The following ZBTB4 variants were observed in gnomAD, a reference collection of about 807,000 sequenced individuals.
The protein encoded by ZBTB4 is zinc finger and BTB domain-containing protein 4.
A neutral mutation model predicts 59.8 loss-of-function variants in ZBTB4; 14 were observed. The ratio of observed to expected loss-of-function variants is 0.23; its 90% CI spans 0.15 to 0.37. ZBTB4 has a LOEUF of 0.37. Among genes scored for constraint, ZBTB4 ranks in the 10% least tolerant of loss-of-function variants. The pLI, the probability that ZBTB4 is intolerant of heterozygous loss-of-function variation, is 1.00. For missense variants in ZBTB4, 1,198 were observed against 1,380.8 expected (o/e 0.87, Z 2.10); for synonymous variants, 587 against 575.2 (o/e 1.02, Z -0.29).
chr17:7,466,385 G>A lies in ZBTB4; in HGVS notation c.417C>T (p.Val139=). Reference sequence around the variant, plus strand: ...GCCGGGCGCTGTAGATGAAGTTGAGGACATCAGAAAACGCAGCTGCTGGGA... The same window carrying A: ...GCCGGGCGCTGTAGATGAAGTTGAGAACATCAGAAAACGCAGCTGCTGGGA... ...PGVPAAAFSD[V]LNFIYSARLA... Residue 139 remains valine, a synonymous_variant, in exon 3 of 4, where the codon GTC becomes GTT. Coordinates refer to ENST00000380599, the MANE Select transcript of ZBTB4 (RefSeq NM_001128833.2). This position sits in a 1 kb window ranked among gnomAD's most constrained non-coding sequence, Gnocchi z 9.1. 1 of 1,614,098 alleles carries A rather than the reference G, an allele frequency of 6.2e-7. No individual in the cohort carries two copies. The highest frequency in any genetic ancestry group is 1.1e-5 in the South Asian group (1 of 91,058).
In ZBTB4 at chr17:7,463,880, T is replaced by C; in HGVS notation, c.1102A>G (p.Ile368Val). The C allele has an allele frequency of 6.2e-7, 1 of 1,613,232 alleles. No homozygotes were observed. Among genetic ancestry groups the C allele is most frequent in the South Asian group, 1.1e-5 (1 of 91,020 alleles). The change falls in exon 4 of 4, where the codon ATC becomes GTC. Residue 368 changes from isoleucine (I) to valine (V), a missense_variant. Ile to Val is a conservative substitution (Grantham distance 29). This residue lies in a region of ZBTB4 where 60 missense variants were observed against 93.0 expected (regional missense o/e 0.64). Transcript: ENST00000380599. Reference sequence around the variant, plus strand: ...GTGACAAAGGTCTCCCAACAGAAGATGCACTGGTACCTGGGTCAGGACAGC... The same window carrying C: ...GTGACAAAGGTCTCCCAACAGAAGACGCACTGGTACCTGGGTCAGGACAGC... The part of the protein sequence containing the change: ...WHTGERRYQC[I>V]FCWETFVTYY...
chr17:7,471,409 T>C (rs2070195608), intron 1 of ZBTB4, among the ~76,000 whole-genome samples: 1 of 152,186 alleles, frequency 6.6e-6, no homozygotes, highest in South Asian at 2.1e-4. Context: ...CTTGAAATAC[T>C]TATGATGTGC....
upstream of ZBTB4, among the ~76,000 whole-genome samples, chr17:7,480,913 G>C (rs1012519559): frequency 9.0e-5 from 10 of 110,780 alleles, no homozygotes; most frequent in Non-Finnish European, 1.9e-5. Flanking sequence ...CCACCACTTT[G>C]GGAGGCGGGG....
Position 7,466,403 on chromosome 17 carries a change from T to C in ZBTB4, c.399A>G (p.Ala133=). The C allele has an allele frequency of 1.9e-6, 3 of 1,612,920 alleles. No homozygotes were observed. The highest frequency in any genetic ancestry group is 2.5e-6 in the Non-Finnish European group (3 of 1,179,758). Residue 133 remains alanine (A), a synonymous_variant, in exon 3 of 4, where the codon GCA becomes GCG. Transcript: ENST00000380599. The surrounding 1 kb of genome is among the most constrained non-coding windows in gnomAD (Gnocchi z 9.1). The part of the protein sequence containing the change: ...PRVLELPGVP[A]AAFSDVLNFI... ...AGTTGAGGACATCAGAAAACGCAGC[T>C]GCTGGGACTCCTGGCAACTCCAGGA...
chr17:7,479,202 A>G (rs955093852), intron 1 of ZBTB4, among the ~76,000 whole-genome samples: 1 of 148,070 alleles, frequency 6.8e-6, no homozygotes, highest in Non-Finnish European at 1.5e-5. Context: ...CCACGGCCCC[A>G]GGCGATCGCG....
At position 7,467,076 on chromosome 17, in the gene ZBTB4, T is replaced by C. The variant is rs1423517284; in HGVS notation, c.-10+181A>G. ...GTGAAGGTCAAGGGGTCATGACCTCTGAAGTCACAGACTAGAGATGTAAGT... is the reference window on the plus strand; with the variant it reads ...GTGAAGGTCAAGGGGTCATGACCTCCGAAGTCACAGACTAGAGATGTAAGT... On this transcript the variant is annotated intron_variant, in intron 2 of 3. Coordinates refer to ENST00000380599, the MANE Select transcript of ZBTB4 (RefSeq NM_001128833.2). 2.1e-5 allele frequency: 18 copies of C among 852,454 alleles called. No homozygotes were observed. The Admixed American group carries it at 8.1e-4, about 38-fold the overall frequency. 52.8% of individuals were successfully genotyped at this position (852,454 alleles called of 1,614,324 possible). A position where few individuals can be genotyped will look rare whatever the true frequency, so the allele number is the denominator to read the frequency against.
chr17:7,465,350 A>G (rs1272013062), intron 3 of ZBTB4, among the ~76,000 whole-genome samples: 5 of 149,612 alleles, frequency 3.3e-5, no homozygotes, highest in African/African-American at 9.8e-5. Context: ...AATCCCAGCT[A>G]TTCGGGAGGC....
At chr17:7,477,212 G>A (rs926124363) in intron 1 of ZBTB4, among the ~76,000 whole-genome samples, 1 of 152,198 alleles carries the variant, frequency 6.6e-6, no homozygotes, top group Admixed American at 6.5e-5. Context: ...GACAGGGGCT[G>A]GCATAGGCAC....
Position 7,462,392 on chromosome 17 carries a change from C to T in ZBTB4, c.2590G>A (p.Gly864Arg), listed in dbSNP as rs544952940. 2.0e-5 allele frequency: 32 copies of T among 1,613,940 alleles called. No homozygotes were observed. The highest frequency in any genetic ancestry group is 6.7e-5 in the East Asian group (3 of 44,874). Reference sequence around the variant, plus strand: ...ACAGGTGGGTATACATAGCTGCCCCCGCTTGCCACTACTGGGGGCTCCTCA... The same window carrying T: ...ACAGGTGGGTATACATAGCTGCCCCTGCTTGCCACTACTGGGGGCTCCTCA... ...GGEEPPVVASGGSYVYPPVQE... is the reference protein window; with the variant it reads ...GGEEPPVVASRGSYVYPPVQE... The change falls in exon 4 of 4, where the codon GGG becomes AGG. Residue 864 changes from glycine to arginine, a missense_variant. Physicochemically the swap from Gly to Arg is moderately radical, Grantham distance 125. Around this residue, in one of 9 missense-constraint regions of ZBTB4, gnomAD observed 211 missense variants for 236.1 expected, o/e 0.89. Transcript: ENST00000380599. This position sits in a 1 kb window ranked among gnomAD's most constrained non-coding sequence, Gnocchi z 7.5.
At chr17:7,477,149 C>G (rs930591123) in intron 1 of ZBTB4, among the ~76,000 whole-genome samples, 2 of 152,200 alleles carry the variant, frequency 1.3e-5, no homozygotes, top group African/African-American at 4.8e-5. Flanking sequence ...TGTGTGCTGC[C>G]ATTATTATCA....
In ZBTB4 at chr17:7,460,267, G is replaced by T. The variant is rs1291210386; in HGVS notation, c.*1673C>A. 2 of 152,594 alleles carry T rather than the reference G, an allele frequency of 1.3e-5. No homozygotes were observed. Among genetic ancestry groups the T allele is most frequent in the Non-Finnish European group, 2.9e-5 (2 of 68,046 alleles). The allele number at this position is 152,594 out of a possible 1,614,324, so 9.5% of individuals were successfully genotyped here. ...AGGAATGAAGGAGTGACTCCTCTGT[G>T]GTTAACATTCAGGGAGCCTGTCTAA... On this transcript the variant is annotated 3_prime_UTR_variant, in exon 4 of 4. Coordinates refer to ENST00000380599, the MANE Select transcript of ZBTB4 (RefSeq NM_001128833.2).
At chr17:7,479,853 T>C (rs2070321663), upstream of ZBTB4, among the ~76,000 whole-genome samples, 1 of 151,698 alleles carries the variant, frequency 6.6e-6, no homozygotes, top group Non-Finnish European at 1.5e-5. Context: ...CGGGCCGGGC[T>C]GCAGCATCCC....
At chr17:7,473,108 C>A (rs574005266) in intron 1 of ZBTB4, among the ~76,000 whole-genome samples, 23 of 110,394 alleles carry the variant, frequency 2.1e-4, no homozygotes, top group Middle Eastern at 9.3e-3. Flanking sequence ...GCGCGCGCCA[C>A]CATTTTTTTT....
At chr17:7,467,621 A>T (rs189803621) in intron 1 of ZBTB4, among the ~76,000 whole-genome samples, 1 of 152,250 alleles carries the variant, frequency 6.6e-6, no homozygotes, top group Non-Finnish European at 1.5e-5. Flanking sequence ...CCTCCAAACA[A>T]TATAGTAGCA....
At chr17:7,468,488 G>A (rs1484813511) in intron 1 of ZBTB4, among the ~76,000 whole-genome samples, 2 of 152,232 alleles carry the variant, frequency 1.3e-5, no homozygotes, top group Non-Finnish European at 2.9e-5. Flanking sequence ...CACCATCAGG[G>A]CCTTGAAGAC....
upstream of ZBTB4, among the ~76,000 whole-genome samples, chr17:7,479,927 C>T (rs533166751): frequency 1.9e-4 from 29 of 152,054 alleles, no homozygotes; most frequent in African/African-American, 5.3e-4. Flanking sequence ...TCCTGCACGC[C>T]CTTCACTCAG....
At chr17:7,474,952 C>T (rs545114326) in intron 1 of ZBTB4, among the ~76,000 whole-genome samples, 39 of 138,264 alleles carry the variant, frequency 2.8e-4, no homozygotes, top group African/African-American at 8.9e-4. Context: ...GTGGCGGTTG[C>T]AGCGAGCAGA....
upstream of ZBTB4, among the ~76,000 whole-genome samples, chr17:7,480,847 A>G (rs2070335971): frequency 6.6e-6 from 1 of 152,088 alleles, no homozygotes; most frequent in South Asian, 2.1e-4. Flanking sequence ...AGTCATGGAG[A>G]CATAAATAGA....
chr17:7,483,415 AG>A (rs1421984565), upstream of ZBTB4: 3 of 279,244 alleles, frequency 1.1e-5, no homozygotes, highest in African/African-American at 6.6e-5. Flanking sequence ...CTCACGGCAA[AG>A]GTTTCCTTTC....
Sources: allele counts gnomAD v4.1 joint callset (sites outside exome capture counted in the v4.1 genomes callset), GRCh38; gene constraint gnomAD v4.1.1; regional missense constraint gnomAD v4.1.1; non-coding constraint Gnocchi (gnomAD v3.1); transcripts MANE v1.5; gene names NCBI Gene and HGNC (gene_info 2026-07-23, HGNC 2026-07-21).